The following RBFOX1 variants were observed in gnomAD, a reference collection of about 807,000 sequenced individuals.
RBFOX1 encodes RNA binding fox-1 homolog 1, also known as RNA binding protein fox-1 homolog 1.
RBFOX1 carries 8 observed loss-of-function variants against 57.7 expected under a neutral mutation model. The ratio of observed to expected loss-of-function variants is 0.14; its 90% CI spans 0.08 to 0.25. The LOEUF (loss-of-function observed/expected upper bound fraction) is 0.25, where lower values mean the gene tolerates loss of function less well. RBFOX1 is among the 10% of genes least tolerant of loss of function. The pLI, the probability that RBFOX1 is intolerant of heterozygous loss-of-function variation, is 1.00. For synonymous variants in RBFOX1, 326 were observed against 222.4 expected (o/e 1.47, Z -4.15); for missense variants, 611 against 548.5 (o/e 1.11, Z -1.14).
chr16:6,606,140 T>C (rs886584936), intron 2 of RBFOX1, among the ~76,000 whole-genome samples: 7 of 152,068 alleles, frequency 4.6e-5, no homozygotes, highest in African/African-American at 1.7e-4. Context: ...ATACATCTTA[T>C]AATGCTGAAT....
chr16:7,130,793 A>G (rs1283606623), intron 4 of RBFOX1, among the ~76,000 whole-genome samples: 1 of 152,208 alleles, frequency 6.6e-6, no homozygotes, highest in Admixed American at 6.5e-5. Flanking sequence ...TCTTTTAAAA[A>G]ATGGAGGAAA....
chr16:6,054,367 T>C (rs531970060), intron 1 of RBFOX1, among the ~76,000 whole-genome samples: 4 of 151,972 alleles, frequency 2.6e-5, no homozygotes, highest in African/African-American at 9.6e-5. Context: ...CAGTGGGTGG[T>C]ATGTTTTGAG....
rs758492 is a variant in RBFOX1 at position 7,631,697 on chromosome 16, G to A, written c.757+1014G>A. 6.0e-3 allele frequency among the ~76,000 whole-genome samples: 913 copies of A among 152,246 alleles called. 10 individuals carry two copies. The highest frequency in any genetic ancestry group is 0.021 in the African/African-American group (859 of 41,556). ...GGCAGGGATGGGGAGGAGAGCAGGA[G>A]TACCAGGCTCAAGGGATAAGAGACG... is the stretch of plus-strand genomic sequence containing the variant. On this transcript the variant is annotated intron_variant, in intron 11 of 15. Transcript: ENST00000550418.
chr16:6,536,258 C>A (rs1473929102), intron 2 of RBFOX1, among the ~76,000 whole-genome samples: 1 of 152,124 alleles, frequency 6.6e-6, no homozygotes, highest in African/African-American at 2.4e-5. Context: ...CTCTAGTATC[C>A]TCAAGAGTCT....
intron 1 of RBFOX1, among the ~76,000 whole-genome samples, chr16:6,315,545 A>AT (rs1555621241): frequency 7.9e-6 from 1 of 126,372 alleles, no homozygotes; most frequent in Non-Finnish European, 1.8e-5. Context: ...GGATGGATGG[A>AT]TGGATGGATG....
At chr16:6,069,746 G>C (rs1344517421) in intron 1 of RBFOX1, among the ~76,000 whole-genome samples, 1 of 152,134 alleles carries the variant, frequency 6.6e-6, no homozygotes, top group Non-Finnish European at 1.5e-5. Context: ...CAACACTTTG[G>C]GAGGCTGAGG....
intron 1 of RBFOX1, among the ~76,000 whole-genome samples, chr16:5,432,565 T>G (rs1346552354): frequency 2.7e-5 from 4 of 149,140 alleles, no homozygotes; most frequent in African/African-American, 9.9e-5. Flanking sequence ...GTTTGTTTTT[T>G]TTTTTTTTTG....
At chr16:6,431,993 A>G (rs542625843) in intron 2 of RBFOX1, among the ~76,000 whole-genome samples, 2 of 146,570 alleles carry the variant, frequency 1.4e-5, no homozygotes, top group South Asian at 4.3e-4. Flanking sequence ...ACAGGGTCAT[A>G]TTCTATCACC....
At chr16:7,181,327 T>G (rs2082659192) in intron 4 of RBFOX1, among the ~76,000 whole-genome samples, 1 of 152,160 alleles carries the variant, frequency 6.6e-6, no homozygotes, top group African/African-American at 2.4e-5. Context: ...ATGTCATCCT[T>G]CTCTGCCCTC....
intron 3 of RBFOX1, among the ~76,000 whole-genome samples, chr16:5,738,967 G>T (rs2151585027): frequency 6.9e-6 from 1 of 144,940 alleles, no homozygotes; most frequent in East Asian, 2.4e-4. Context: ...CAAAGAACAG[G>T]CTAACTCCCA....
intron 3 of RBFOX1, among the ~76,000 whole-genome samples, chr16:6,753,841 T>C (rs2075357472): frequency 6.6e-6 from 1 of 152,074 alleles, no homozygotes; most frequent in Non-Finnish European, 1.5e-5. Flanking sequence ...GCTTGAGGGA[T>C]TTTTGCCGAG....
At chr16:5,449,818 G>T (rs2068366140) in intron 1 of RBFOX1, among the ~76,000 whole-genome samples, 2 of 151,868 alleles carry the variant, frequency 1.3e-5, no homozygotes. Context: ...ATGTTGCCCA[G>T]TCTGGTCTCA....
intron 1 of RBFOX1, among the ~76,000 whole-genome samples, chr16:5,344,802 A>T (rs2065105239): frequency 6.6e-6 from 1 of 152,246 alleles, no homozygotes. Flanking sequence ...GTCTATGAAC[A>T]GCACGTGCTT....
chr16:6,701,890 C>G (rs1048230413), intron 3 of RBFOX1, among the ~76,000 whole-genome samples: 1 of 152,036 alleles, frequency 6.6e-6, no homozygotes. Context: ...TAAATGCGAT[C>G]TAAACACTGA....
At chr16:6,634,406 TC>T (rs1476225163) in intron 2 of RBFOX1, among the ~76,000 whole-genome samples, 1 of 151,972 alleles carries the variant, frequency 6.6e-6, no homozygotes, top group African/African-American at 2.4e-5. Flanking sequence ...GTATGTTTAC[TC>T]TAAAATAGGG....
intron 1 of RBFOX1, among the ~76,000 whole-genome samples, chr16:6,081,428 A>C (rs2096000271): frequency 6.6e-6 from 1 of 152,082 alleles, no homozygotes; most frequent in South Asian, 2.1e-4. Context: ...ACATTTTGAG[A>C]CATTTTTACA....
rs1491558284 is a variant in RBFOX1 at position 7,062,892 on chromosome 16, C to CTTTTTTTTTTTTTTTTTTTTTTTTTTTTT, written c.27+10794_27+10795insTTTTTTTTTTTTTTTTTTTTTTTTTTTTT. Among the ~76,000 whole-genome samples, 18 of 59,932 alleles carry CTTTTTTTTTTTTTTTTTTTTTTTTTTTTT rather than the reference C, an allele frequency of 3.0e-4. 9 individuals carry two copies. The highest frequency in any genetic ancestry group is 2.6e-4 in the Non-Finnish European group (8 of 30,268). 39.3% of individuals were successfully genotyped at this position (59,932 alleles called of 152,430 possible). A position where few individuals can be genotyped will look rare whatever the true frequency, so the allele number is the denominator to read the frequency against. Reference sequence around the variant, plus strand: ...TACCTCATCTCATTCAAATGATCGCCATTTTTTTTTTTTTTTTTTTTTTTT... The same window carrying CTTTTTTTTTTTTTTTTTTTTTTTTTTTTT: ...TACCTCATCTCATTCAAATGATCGCCTTTTTTTTTTTTTTTTTTTTTTTTTTTTTATTTTTTTTTTTTTTTTTTTTTTTT... On this transcript the variant is annotated intron_variant, in intron 4 of 15. Coordinates refer to ENST00000550418, the MANE Select transcript of RBFOX1 (RefSeq NM_018723.4).
chr16:6,753,797 C>A (rs976426336), intron 3 of RBFOX1, among the ~76,000 whole-genome samples: 2 of 152,126 alleles, frequency 1.3e-5, no homozygotes, highest in Non-Finnish European at 2.9e-5. Context: ...ACAGCTGAGG[C>A]TGTTGCCTGC....
intron 2 of RBFOX1, among the ~76,000 whole-genome samples, chr16:6,430,503 A>G (rs1363832196): frequency 1.3e-5 from 2 of 152,168 alleles, no homozygotes; most frequent in African/African-American, 2.4e-5. Flanking sequence ...AGTGGAGTTG[A>G]ATTAGGAGAG....
Sources: allele counts gnomAD v4.1 joint callset (sites outside exome capture counted in the v4.1 genomes callset), GRCh38; gene constraint gnomAD v4.1.1; transcripts MANE v1.5; gene names NCBI Gene and HGNC (gene_info 2026-07-23, HGNC 2026-07-21).